BTAF1: variants seen among roughly 807,000 people sequenced by gnomAD.
BTAF1 encodes the protein B-TFIID TATA-box binding protein associated factor 1.
BTAF1 carries 38 observed loss-of-function variants against 227.1 expected under a neutral mutation model. The observed-to-expected ratio is 0.17, with a 90% CI of 0.13 to 0.22. BTAF1 has a LOEUF of 0.22. Ranked by LOEUF, BTAF1 falls within the 10% of genes least tolerant of loss-of-function variation. BTAF1 has a pLI of 1.00. For missense variants in BTAF1, 1,598 were observed against 2,204.0 expected (o/e 0.73, Z 5.51); for synonymous variants, 742 against 751.9 (o/e 0.99, Z 0.21).
intron 34 of BTAF1, among the ~76,000 whole-genome samples, chr10:92,022,493 C>T (rs1851209571): frequency 6.6e-6 from 1 of 152,138 alleles, no homozygotes; most frequent in Admixed American, 6.5e-5. Context: ...GTGGTCATAA[C>T]TCCAACCTCA....
rs764102138 is a variant in BTAF1, at chr10:92,026,768, C to T, written c.5235+17C>T. 1 of 1,607,886 alleles carries T rather than the reference C, an allele frequency of 6.2e-7. No individual in the cohort carries two copies. Among genetic ancestry groups the T allele is most frequent in the Non-Finnish European group, 8.5e-7 (1 of 1,176,926 alleles). On this transcript the variant is annotated intron_variant, in intron 36 of 37. Coordinates refer to ENST00000265990, the MANE Select transcript of BTAF1 (RefSeq NM_003972.3). ...ATTGGGCAGGTAAAAGTCAATTTTA[C>T]CTCACAGATGTTAACCTGTGCATGA...
Position 91,992,232 on chromosome 10 carries a change from A to C in BTAF1, c.2968A>C (p.Thr990Pro), listed in dbSNP as rs141774289. Residue 990 changes from threonine (T) to proline (P), a missense_variant, in exon 21 of 38, where the codon ACC becomes CCC. Around this residue, in one of 10 missense-constraint regions of BTAF1, gnomAD observed 425 missense variants for 491.2 expected, o/e 0.87. Transcript: ENST00000265990. ...TGCTATCACAAGTAGGCGAGGTCCT[A>C]CCCCCAAAGCAGTAAAAGCTCAAAT... The part of the protein sequence containing the change: ...AFAITSRRGP[T>P]PKAVKAQIAD... The C allele has an allele frequency of 6.2e-7, 1 of 1,613,660 alleles. No individual in the cohort carries two copies. The highest frequency in any genetic ancestry group is 1.3e-5 in the African/African-American group (1 of 74,862).
intron 6 of BTAF1, among the ~76,000 whole-genome samples, chr10:91,955,802 T>C (rs1182505260): frequency 6.6e-6 from 1 of 152,088 alleles, no homozygotes; most frequent in Non-Finnish European, 1.5e-5. Context: ...GGAAGAGTAA[T>C]AGGAAATGAG....
At chr10:91,963,759 C>T (rs1028034375) in intron 12 of BTAF1, among the ~76,000 whole-genome samples, 3 of 152,144 alleles carry the variant, frequency 2.0e-5, no homozygotes, top group Non-Finnish European at 4.4e-5. Context: ...TCTTGTGTCT[C>T]GATGCTCTGT....
intron 14 of BTAF1, 93 bp downstream of exon 14, chr10:91,966,850 A>G: frequency 6.4e-6 from 8 of 1,244,622 alleles, no homozygotes; most frequent in Non-Finnish European, 7.7e-6. Flanking sequence ...TGTATATCCA[A>G]AGATCAGGAC....
intron 14 of BTAF1, among the ~76,000 whole-genome samples, chr10:91,972,467 G>A (rs751709744): frequency 6.6e-6 from 1 of 152,026 alleles, no homozygotes; most frequent in Admixed American, 6.6e-5. Context: ...TCTCTAGTGC[G>A]ACAAAGCATT....
chr10:92,006,274 AG>A (rs1216407001), intron 25 of BTAF1, among the ~76,000 whole-genome samples: 3 of 152,250 alleles, frequency 2.0e-5, no homozygotes, highest in African/African-American at 7.2e-5. Context: ...ATATTTTGAC[AG>A]CCTTCTCAAA....
intron 4 of BTAF1, among the ~76,000 whole-genome samples, chr10:91,943,173 G>A (rs1326229938): frequency 6.6e-6 from 1 of 152,112 alleles, no homozygotes; most frequent in Non-Finnish European, 1.5e-5. Context: ...AATTAGCCGG[G>A]CATGGTGGCG....
chr10:91,940,862 T>G (rs1309871058), intron 3 of BTAF1, among the ~76,000 whole-genome samples: 1 of 151,796 alleles, frequency 6.6e-6, no homozygotes. Context: ...TTTTGTATTT[T>G]TAGTACAGAT....
At chr10:91,975,589 C>G (rs1257873122) in intron 14 of BTAF1, among the ~76,000 whole-genome samples, 1 of 152,142 alleles carries the variant, frequency 6.6e-6, no homozygotes, top group African/African-American at 2.4e-5. Flanking sequence ...GTGAAAGAAC[C>G]CAGTGTGATT....
chr10:91,946,731 C>A (rs1214447460), intron 4 of BTAF1, among the ~76,000 whole-genome samples: 1 of 152,068 alleles, frequency 6.6e-6, no homozygotes, highest in Non-Finnish European at 1.5e-5. Flanking sequence ...ATAACTTGCA[C>A]GTTTTTCATT....
At chr10:91,993,496 G>A (rs1313002444) in intron 21 of BTAF1, among the ~76,000 whole-genome samples, 198 bp from the exon 22 acceptor site, 1 of 152,176 alleles carries the variant, frequency 6.6e-6, no homozygotes, top group Non-Finnish European at 1.5e-5. Context: ...CAAAAATCTA[G>A]TTAGGTGTTG....
intron 3 of BTAF1, 143 bp from the exon 4 acceptor site, chr10:91,942,279 A>G: frequency 1.5e-6 from 1 of 667,050 alleles, no homozygotes; most frequent in African/African-American, 1.9e-5. Context: ...GCAAGACCTC[A>G]CTTCTTAAAA....
At chr10:92,024,019 A>G (rs1851318303) in intron 34 of BTAF1, among the ~76,000 whole-genome samples, 1 of 152,216 alleles carries the variant, frequency 6.6e-6, no homozygotes, top group African/African-American at 2.4e-5. Flanking sequence ...CTGTTTGTCA[A>G]ATTGATCTAA....
intron 14 of BTAF1, among the ~76,000 whole-genome samples, chr10:91,968,195 C>G (rs1847061314): frequency 6.6e-6 from 1 of 152,126 alleles, no homozygotes; most frequent in African/African-American, 2.4e-5. Context: ...TGTGTTCCAC[C>G]TATTCATCCT....
At chr10:91,964,032 A>G in intron 12 of BTAF1, 45 bp from the exon 13 acceptor site, 1 of 1,606,784 alleles carries the variant, frequency 6.2e-7, no homozygotes, top group Non-Finnish European at 8.5e-7. Context: ...GTTTGTGAGT[A>G]TTTTGTGCAA....
chr10:92,005,453 A>G (rs1366070021), intron 25 of BTAF1, among the ~76,000 whole-genome samples: 3 of 152,038 alleles, frequency 2.0e-5, no homozygotes, highest in Non-Finnish European at 4.4e-5. Context: ...AAGAACATTT[A>G]TTTTCCATAT....
At chr10:91,972,045 C>T in intron 14 of BTAF1, among the ~76,000 whole-genome samples, 1 of 152,090 alleles carries the variant, frequency 6.6e-6, no homozygotes, top group East Asian at 1.9e-4. Flanking sequence ...CCAGTATGCT[C>T]CTTAAAGTTT....
chr10:91,964,368 A>G (rs893080537), intron 13 of BTAF1, among the ~76,000 whole-genome samples, 167 bp downstream of exon 13: 1 of 152,140 alleles, frequency 6.6e-6, no homozygotes, highest in Non-Finnish European at 1.5e-5. Flanking sequence ...TACTCTAGCC[A>G]TTCGGGCAGC....
Sources: gnomAD v4.1 joint callset for allele counts (sites outside exome capture counted in the v4.1 genomes callset) on GRCh38, gnomAD v4.1.1 for gene constraint, gnomAD v4.1.1 regional missense constraint, MANE v1.5 for transcripts, NCBI Gene and HGNC (gene_info 2026-07-23, HGNC 2026-07-21) for gene names.